Variants in PTPRO observed in about 807,000 individuals in gnomAD.
The protein encoded by PTPRO is protein tyrosine phosphatase receptor type O.
A neutral mutation model predicts 145.2 loss-of-function variants in PTPRO; 62 were observed. That is an observed-to-expected ratio of 0.43 (90% CI 0.35 to 0.53). The LOEUF is 0.53. Among genes scored for constraint, PTPRO ranks in the 20% least tolerant of loss-of-function variants. The pLI is 0.01. For synonymous variants in PTPRO, 565 were observed against 514.7 expected, an observed-to-expected ratio of 1.10 and a Z score of -1.32; for missense variants, 1,345 against 1,482.7, an observed-to-expected ratio of 0.91 and a Z score of 1.53.
Position 15,560,259 on chromosome 12 carries a change from A to G in PTPRO, c.2694A>G (p.Ala898=). The G allele has an allele frequency of 1.3e-6, 2 of 1,581,134 alleles. No homozygotes were observed. The change falls in exon 17 of 27, where the codon GCA becomes GCG. Residue 898 remains alanine, a synonymous_variant. Transcript: ENST00000281171. The part of the protein sequence containing the change: ...PSCLWTDYLL[A]FYINPWSKNG... ...GTCTTTGGACTGATTATCTTTTGGC[A>G]TTTTATATTAATCCTTGGTAAGTGA...
intron 18 of PTPRO, 120 bp from the exon 19 acceptor site, chr12:15,569,297 C>G: frequency 1.1e-6 from 1 of 941,756 alleles, no homozygotes; most frequent in South Asian, 1.6e-5. Flanking sequence ...GAGTGCTAAC[C>G]TTAGAGAAGT....
At position 15,586,883 on chromosome 12, in the gene PTPRO, T is replaced by C; in HGVS notation, c.3256-14T>C. ...TGAAAAATTAATGCTTGTTTTTGGC[T>C]TTTTTCTCTAAAGGCTGACGAGATG... On this transcript the variant is annotated splice_polypyrimidine_tract_variant and intron_variant, in intron 23 of 26. Coordinates refer to ENST00000281171, the MANE Select transcript of PTPRO (RefSeq NM_030667.3). The C allele has an allele frequency of 6.2e-7, 1 of 1,613,980 alleles. No individual in the cohort carries two copies. Among genetic ancestry groups the C allele is most frequent in the South Asian group, 1.1e-5 (1 of 91,076 alleles).
intron 1 of PTPRO, among the ~76,000 whole-genome samples, chr12:15,482,886 G>T (rs1272202537): frequency 6.6e-6 from 1 of 152,092 alleles, no homozygotes; most frequent in Non-Finnish European, 1.5e-5. Flanking sequence ...TTTTGTACTG[G>T]TGACCATGGG....
intron 17 of PTPRO, among the ~76,000 whole-genome samples, 183 bp downstream of exon 17, chr12:15,560,459 G>A (rs918891901): frequency 2.7e-4 from 41 of 152,040 alleles, no homozygotes; most frequent in Admixed American, 2.4e-3. Flanking sequence ...AAGGTTTTCC[G>A]TTAAATTTTT....
chr12:15,530,387 C>T (rs1202910779), intron 12 of PTPRO, among the ~76,000 whole-genome samples: 2 of 152,124 alleles, frequency 1.3e-5, no homozygotes, highest in Non-Finnish European at 2.9e-5. Context: ...GCCTAATAGA[C>T]ATTTAAAGAA....
chr12:15,511,923 T>A (rs559706094), intron 7 of PTPRO, among the ~76,000 whole-genome samples: 2 of 152,262 alleles, frequency 1.3e-5, no homozygotes, highest in Admixed American at 6.5e-5. Context: ...TAGAATCAAC[T>A]CATAAAATAT....
At chr12:15,418,336 A>G (rs1396597362) in intron 1 of PTPRO, among the ~76,000 whole-genome samples, 1 of 151,770 alleles carries the variant, frequency 6.6e-6, no homozygotes, top group African/African-American at 2.4e-5. Context: ...TCTGGGGTTC[A>G]CAGCTAGATT....
intron 1 of PTPRO, among the ~76,000 whole-genome samples, chr12:15,371,526 C>G (rs934171005): frequency 6.6e-6 from 1 of 152,190 alleles, no homozygotes; most frequent in African/African-American, 2.4e-5. Flanking sequence ...AGCCACCACA[C>G]CCAGCAAGCT....
intron 25 of PTPRO, 129 bp downstream of exon 25, chr12:15,589,719 T>C (rs948054910): frequency 1.5e-5 from 18 of 1,198,974 alleles, no homozygotes; most frequent in Non-Finnish European, 2.2e-5. Context: ...TCTTATTGTA[T>C]ATGTTCAAAC....
intron 1 of PTPRO, among the ~76,000 whole-genome samples, chr12:15,421,588 A>C (rs1940147708): frequency 1.3e-5 from 2 of 152,238 alleles, no homozygotes; most frequent in African/African-American, 4.8e-5. Flanking sequence ...GCAGGTTTTT[A>C]CTTCATTGAC....
At chr12:15,572,866 A>G (rs1373740570) in intron 19 of PTPRO, among the ~76,000 whole-genome samples, 1 of 152,146 alleles carries the variant, frequency 6.6e-6, no homozygotes, top group African/African-American at 2.4e-5. Flanking sequence ...TTGTTATAAT[A>G]GCTTAGGAGG....
chr12:15,376,237 T>G (rs1276330464), intron 1 of PTPRO, among the ~76,000 whole-genome samples: 2 of 152,066 alleles, frequency 1.3e-5, no homozygotes, highest in African/African-American at 2.4e-5. Context: ...GAAAAAAAAT[T>G]TAATGAGATT....
intron 1 of PTPRO, among the ~76,000 whole-genome samples, chr12:15,363,354 C>A (rs11829168): frequency 0.028 from 4,300 of 152,232 alleles, 210 homozygotes; most frequent in African/African-American, 0.098. Context: ...AACAGCTGTG[C>A]AACACTGGCT....
intron 16 of PTPRO, among the ~76,000 whole-genome samples, chr12:15,558,069 G>A (rs953419968): frequency 3.3e-5 from 5 of 151,906 alleles, no homozygotes; most frequent in African/African-American, 1.2e-4. Flanking sequence ...CGAGTAGCTG[G>A]GACTACAGGC....
chr12:15,353,891 T>C (rs376301890), intron 1 of PTPRO, among the ~76,000 whole-genome samples: 2 of 152,184 alleles, frequency 1.3e-5, no homozygotes, highest in African/African-American at 4.8e-5. Context: ...CGGTTACAAT[T>C]CTTCAAAGGA....
intron 1 of PTPRO, among the ~76,000 whole-genome samples, chr12:15,412,187 T>C (rs1041388350): frequency 1.3e-5 from 2 of 152,258 alleles, no homozygotes; most frequent in African/African-American, 2.4e-5. Flanking sequence ...CCTTACAATG[T>C]CATTATTTCC....
At chr12:15,503,118 T>C (rs973782230) in intron 5 of PTPRO, among the ~76,000 whole-genome samples, 1 of 152,144 alleles carries the variant, frequency 6.6e-6, no homozygotes, top group African/African-American at 2.4e-5. Context: ...TTTTAAAGTT[T>C]CCTTAATCTA....
At chr12:15,460,170 A>G (rs890290567) in intron 1 of PTPRO, among the ~76,000 whole-genome samples, 42 of 152,226 alleles carry the variant, frequency 2.8e-4, no homozygotes, top group African/African-American at 9.9e-4. Context: ...TAGATGGCTC[A>G]GGATCTTGCT....
chr12:15,323,188 C>CT (rs1265572930), intron 1 of PTPRO, among the ~76,000 whole-genome samples: 1 of 152,178 alleles, frequency 6.6e-6, no homozygotes, highest in African/African-American at 2.4e-5. Flanking sequence ...GCACAGAATG[C>CT]TTTGTCTTAA....
Sources: allele counts gnomAD v4.1 joint callset (sites outside exome capture counted in the v4.1 genomes callset), GRCh38; gene constraint gnomAD v4.1.1; transcripts MANE v1.5; gene names NCBI Gene and HGNC (gene_info 2026-07-23, HGNC 2026-07-21).